Variants in SGCD observed in about 807,000 individuals in gnomAD.
SGCD encodes sarcoglycan delta.
SGCD carries 18 observed loss-of-function variants against 36.6 expected under a neutral mutation model. That is an observed-to-expected ratio of 0.49 (90% CI 0.34 to 0.73). The LOEUF (loss-of-function observed/expected upper bound fraction) is 0.73, where lower values mean the gene tolerates loss of function less well. Ranked by LOEUF, SGCD falls within the 30% of genes least tolerant of loss-of-function variation. SGCD has a pLI of 0.01. For synonymous variants in SGCD, 133 were observed against 130.6 expected (o/e 1.02, Z -0.12); for missense variants, 387 against 346.7 (o/e 1.12, Z -0.92).
In SGCD at chr5:156,401,119, A is replaced by G. The variant is rs1041129853; in HGVS notation, c.192+56442A>G. On this transcript the variant is annotated intron_variant, in intron 3 of 8. Transcript: ENST00000337851. ...AGCAAGACATACACATGAAGTGATT[A>G]GAGCAGAGGTTTCCAAATTGCACAG... 2.0e-5 allele frequency among the ~76,000 whole-genome samples: 3 copies of G among 152,352 alleles called. No individual in the cohort carries two copies. In the East Asian group the frequency reaches 5.8e-4, roughly 29 times the overall value.
chr5:156,731,069 T>C (rs1756035957), intron 7 of SGCD, among the ~76,000 whole-genome samples: 1 of 152,214 alleles, frequency 6.6e-6, no homozygotes, highest in Non-Finnish European at 1.5e-5. Flanking sequence ...TCTGTTCATG[T>C]CCTTTGCCTA....
intron 3 of SGCD, among the ~76,000 whole-genome samples, chr5:156,166,806 G>A (rs755971828): frequency 3.3e-4 from 51 of 152,242 alleles, no homozygotes; most frequent in Admixed American, 5.9e-4. Flanking sequence ...ACTTTCCACT[G>A]AAAAAGCAAC....
At chr5:156,624,920 T>G (rs1484017470) in intron 6 of SGCD, among the ~76,000 whole-genome samples, 3 of 152,224 alleles carry the variant, frequency 2.0e-5, no homozygotes, top group African/African-American at 7.2e-5. Context: ...CACATCTGCA[T>G]GGTAGCATTA....
At position 155,919,266 on chromosome 5, in the gene SGCD, C is replaced by T. The variant is rs10054337; in HGVS notation, c.-282+48842C>T. On this transcript the variant is annotated intron_variant, in intron 1 of 9. Transcript: ENST00000517913. ...AGATTAAGTGCCTCTCCCAAGGTCA[C>T]ATTGCTAGTACATGATTGAGTTACG... 9.1e-3 allele frequency among the ~76,000 whole-genome samples: 1,381 copies of T among 152,326 alleles called. 27 individuals carry two copies. Among genetic ancestry groups the T allele is most frequent in the African/African-American group, 0.031 (1,276 of 41,570 alleles).
chr5:156,071,965 T>C (rs1376382322), intron 1 of SGCD, among the ~76,000 whole-genome samples: 2 of 152,160 alleles, frequency 1.3e-5, no homozygotes, highest in Non-Finnish European at 2.9e-5. Flanking sequence ...CTGCCTTTTT[T>C]TGTTTTCCAT....
chr5:155,943,531 T>A (rs750247342), intron 1 of SGCD, among the ~76,000 whole-genome samples: 1 of 152,188 alleles, frequency 6.6e-6, no homozygotes, highest in African/African-American at 2.4e-5. Flanking sequence ...CAATGGACTG[T>A]AATAACTAAT....
intron 3 of SGCD, among the ~76,000 whole-genome samples, chr5:156,253,883 A>G (rs1765644645): frequency 6.6e-6 from 1 of 152,156 alleles, no homozygotes; most frequent in Non-Finnish European, 1.5e-5. Context: ...ACTCCAAGGG[A>G]ATCTAAATTT....
intron 1 of SGCD, among the ~76,000 whole-genome samples, chr5:155,976,243 A>G (rs1037355009): frequency 3.9e-5 from 6 of 152,232 alleles, no homozygotes; most frequent in African/African-American, 4.8e-5. Flanking sequence ...CTATAAAAAT[A>G]GGTCTGAAGC....
At position 156,152,900 on chromosome 5, in the gene SGCD, A is replaced by G. The variant is rs80325677; in HGVS notation, c.-44+28881A>G. 9.0e-3 allele frequency among the ~76,000 whole-genome samples: 1,363 copies of G among 151,600 alleles called. 58 individuals carry two copies. Among genetic ancestry groups the G allele is most frequent in the African/African-American group, 0.032 (1,310 of 40,958 alleles). On this transcript the variant is annotated intron_variant, in intron 3 of 9. Coordinates refer to the SGCD transcript ENST00000517913. ...TCTATGAGTCTGCTTCTTTTCTTCT[A>G]TTCACCAAAAAAGGCATCAGGTGAC...
At chr5:155,868,857 A>G (rs959926467), upstream of SGCD, among the ~76,000 whole-genome samples, 1 of 152,196 alleles carries the variant, frequency 6.6e-6, no homozygotes, top group Non-Finnish European at 1.5e-5. Context: ...CAGAGTGCAG[A>G]TAGAGGAAGC....
chr5:156,671,116 CTTTT>C, intron 7 of SGCD, among the ~76,000 whole-genome samples: 1 of 150,846 alleles, frequency 6.6e-6, no homozygotes, highest in African/African-American at 2.4e-5. Flanking sequence ...ATACTGTCTT[CTTTT>C]TTCTTTTTGA....
chr5:155,948,350 A>C (rs1177228747), intron 1 of SGCD, among the ~76,000 whole-genome samples: 1 of 152,182 alleles, frequency 6.6e-6, no homozygotes, highest in African/African-American at 2.4e-5. Flanking sequence ...GTAGGTACTC[A>C]ACATATACAT....
At chr5:156,075,766 G>C (rs1276439913) in intron 1 of SGCD, among the ~76,000 whole-genome samples, 1 of 152,152 alleles carries the variant, frequency 6.6e-6, no homozygotes, top group Non-Finnish European at 1.5e-5. Context: ...GTTTGATATA[G>C]AAAATCTCAC....
chr5:156,420,797 T>C (rs1157360724), intron 3 of SGCD, among the ~76,000 whole-genome samples: 1 of 152,146 alleles, frequency 6.6e-6, no homozygotes, highest in Admixed American at 6.6e-5. Flanking sequence ...GTAAGAATTA[T>C]GTTACTCCTC....
chr5:156,676,786 G>A (rs1231897774), intron 7 of SGCD, among the ~76,000 whole-genome samples: 2 of 152,172 alleles, frequency 1.3e-5, no homozygotes, highest in East Asian at 3.9e-4. Context: ...AGCTGAACTT[G>A]CCATGCTAAA....
intron 2 of SGCD, among the ~76,000 whole-genome samples, chr5:156,122,819 C>T (rs1762074931): frequency 8.9e-6 from 1 of 112,230 alleles, no homozygotes; most frequent in Admixed American, 1.3e-4. Context: ...ATGTCTTGCA[C>T]CAGCATGGTA....
At chr5:156,079,469 A>G (rs149747437) in intron 1 of SGCD, among the ~76,000 whole-genome samples, 3 of 152,348 alleles carry the variant, frequency 2.0e-5, no homozygotes, top group East Asian at 3.9e-4. Context: ...TCCGAGCCCA[A>G]AGTCTCATCT....
intron 3 of SGCD, among the ~76,000 whole-genome samples, chr5:156,144,620 G>T (rs193101011): frequency 6.6e-6 from 1 of 152,130 alleles, no homozygotes; most frequent in Non-Finnish European, 1.5e-5. Flanking sequence ...TGTGTTCATC[G>T]TGGATTCTGG....
chr5:156,036,719 C>T (rs1423455344), intron 1 of SGCD, among the ~76,000 whole-genome samples: 3 of 152,088 alleles, frequency 2.0e-5, no homozygotes, highest in African/African-American at 7.2e-5. Context: ...TGGAATTTCC[C>T]TTGGAGAGAC....
Sources: allele counts gnomAD v4.1 joint callset (sites outside exome capture counted in the v4.1 genomes callset), GRCh38; gene constraint gnomAD v4.1.1; transcripts MANE v1.5; gene names NCBI Gene and HGNC (gene_info 2026-07-23, HGNC 2026-07-21).